The following LMBRD1 variants were observed in gnomAD, a reference collection of about 807,000 sequenced individuals.
LMBRD1 encodes LMBR1 domain containing 1.
A neutral mutation model predicts 74.8 loss-of-function variants in LMBRD1; 64 were observed. The ratio of observed to expected loss-of-function variants is 0.86; its 90% confidence interval spans 0.70 to 1.05. The LOEUF is 1.05. Among genes scored for constraint, LMBRD1 ranks in the 50% least tolerant of loss-of-function variants. The pLI, the probability that LMBRD1 is intolerant of heterozygous loss-of-function variation, is 0.00. For missense variants in LMBRD1, 652 were observed against 645.9 expected (o/e 1.01, Z -0.10); for synonymous variants, 204 against 216.3 (o/e 0.94, Z 0.50).
intron 3 of LMBRD1, among the ~76,000 whole-genome samples, chr6:69,760,816 C>A (rs1279296574): frequency 6.6e-6 from 1 of 152,146 alleles, no homozygotes; most frequent in African/African-American, 2.4e-5. Flanking sequence ...ATGTTGTGAG[C>A]TGCCCTATAG....
At chr6:69,760,765 A>G (rs1765356854) in intron 3 of LMBRD1, among the ~76,000 whole-genome samples, 1 of 152,126 alleles carries the variant, frequency 6.6e-6, no homozygotes, top group South Asian at 2.1e-4. Context: ...CTTCCATCTT[A>G]TTGCTGTATC....
intron 5 of LMBRD1, among the ~76,000 whole-genome samples, chr6:69,744,301 T>C (rs1767170387): frequency 6.6e-6 from 1 of 152,206 alleles, no homozygotes; most frequent in South Asian, 2.1e-4. Flanking sequence ...TATTGTTCCA[T>C]TATTGGAATA....
intron 4 of LMBRD1, 98 bp from the exon 5 acceptor site, chr6:69,749,506 G>T (rs2149876309): frequency 1.1e-6 from 1 of 893,798 alleles, no homozygotes; most frequent in Non-Finnish European, 1.8e-6. Flanking sequence ...TCAGATACAT[G>T]CTTACACTCA....
rs1252904870 is a variant in LMBRD1, at chr6:69,701,973, C to T, written c.916-20G>A. On this transcript the variant is annotated intron_variant, in intron 9 of 15. Transcript: ENST00000649934. The stretch of plus-strand genomic sequence containing the variant: ...GACGATCTAAAAGCAAAAATATATT[C>T]ATTAAAATATAGTTCTAAAAGTTGA... The T allele has an allele frequency of 2.1e-6, 3 of 1,434,546 alleles. No individual in the cohort carries two copies. The highest frequency in any genetic ancestry group is 1.7e-5 in the Admixed American group (1 of 59,402). 88.9% of individuals were successfully genotyped at this position (1,434,546 alleles called of 1,614,324 possible). A position where few individuals can be genotyped will look rare whatever the true frequency, so the allele number is the denominator to read the frequency against.
At position 69,676,138 on chromosome 6, in the gene LMBRD1, A is replaced by G. The variant is rs746870313; in HGVS notation, c.*20T>C. The G allele has an allele frequency of 1.3e-6, 2 of 1,575,278 alleles. No individual in the cohort carries two copies. The highest frequency in any genetic ancestry group is 1.1e-5 in the South Asian group (1 of 90,272). On this transcript the variant is annotated 3_prime_UTR_variant, in exon 16 of 16. Transcript: ENST00000649934. Reference sequence around the variant, plus strand: ...ACAGATATTCAGTCAGCATTATAAAACCTTTAAGACAGAAGGCTGTCAAGC... The same window carrying G: ...ACAGATATTCAGTCAGCATTATAAAGCCTTTAAGACAGAAGGCTGTCAAGC...
intron 8 of LMBRD1, among the ~76,000 whole-genome samples, chr6:69,715,362 T>G (rs1002175911): frequency 2.6e-5 from 4 of 152,182 alleles, no homozygotes; most frequent in Non-Finnish European, 5.9e-5. Flanking sequence ...GTTATCTGCC[T>G]ACTTGGTGAA....
At chr6:69,686,796 T>C (rs1490948945) in intron 14 of LMBRD1, among the ~76,000 whole-genome samples, 1 of 152,216 alleles carries the variant, frequency 6.6e-6, no homozygotes, top group Non-Finnish European at 1.5e-5. Context: ...GTATCACAGG[T>C]AGGCAAACTA....
chr6:69,716,577 A>T (rs1766495226), intron 8 of LMBRD1, among the ~76,000 whole-genome samples: 1 of 152,258 alleles, frequency 6.6e-6, no homozygotes, highest in East Asian at 1.9e-4. Context: ...TATGTGCACA[A>T]TCAGTAGAGC....
chr6:69,768,106 T>C (rs1765506287), intron 3 of LMBRD1, among the ~76,000 whole-genome samples: 1 of 151,956 alleles, frequency 6.6e-6, no homozygotes, highest in Non-Finnish European at 1.5e-5. Flanking sequence ...AGACAACACG[T>C]TGACGAATCT....
chr6:69,781,363 C>T (rs1390529891), intron 2 of LMBRD1, among the ~76,000 whole-genome samples: 2 of 152,244 alleles, frequency 1.3e-5, no homozygotes, highest in African/African-American at 4.8e-5. Context: ...ATCTAAAGGA[C>T]TTATCACTGC....
Position 69,700,430 on chromosome 6 carries a change from A to G in LMBRD1, c.1188+335T>C, listed in dbSNP as rs563405640. Among the ~76,000 whole-genome samples the G allele has an allele frequency of 3.9e-5, 6 of 151,916 alleles. No homozygotes were observed. The South Asian group carries it at 1.0e-3, about 26-fold the overall frequency. ...GTTTCTCAACCATGGAACTATTGAC[A>G]TTTTAGGCTAGGTAAGTCTGCCCTA... On this transcript the variant is annotated intron_variant, in intron 12 of 15. Transcript: ENST00000649934.
chr6:69,766,375 C>T (rs939960120), intron 3 of LMBRD1, among the ~76,000 whole-genome samples: 1 of 151,758 alleles, frequency 6.6e-6, no homozygotes. Flanking sequence ...AATCAATGAT[C>T]GATACTGGAA....
At chr6:69,724,613 G>A (rs1465460486) in intron 7 of LMBRD1, among the ~76,000 whole-genome samples, 1 of 150,498 alleles carries the variant, frequency 6.6e-6, no homozygotes, top group Non-Finnish European at 1.5e-5. Flanking sequence ...AATGAAGGAT[G>A]AAAACCACAT....
At chr6:69,791,371 C>G (rs1004693777) in intron 1 of LMBRD1, among the ~76,000 whole-genome samples, 1 of 152,164 alleles carries the variant, frequency 6.6e-6, no homozygotes, top group Non-Finnish European at 1.5e-5. Flanking sequence ...GAGTTGCAGA[C>G]AGAGACTGTG....
At chr6:69,744,895 T>A (rs1179364065) in intron 5 of LMBRD1, among the ~76,000 whole-genome samples, 1 of 151,026 alleles carries the variant, frequency 6.6e-6, no homozygotes, top group Non-Finnish European at 1.5e-5. Flanking sequence ...CAGGCTGGAG[T>A]GCAGTGGCAC....
chr6:69,698,952 A>T (rs1463206858), intron 13 of LMBRD1, 91 bp downstream of exon 13: 1 of 854,426 alleles, frequency 1.2e-6, no homozygotes, highest in African/African-American at 1.7e-5. Context: ...ATGAGCTAAT[A>T]TCTTATGCTA....
intron 5 of LMBRD1, among the ~76,000 whole-genome samples, chr6:69,745,612 T>A (rs1767208851): frequency 6.6e-6 from 1 of 152,220 alleles, no homozygotes; most frequent in Non-Finnish European, 1.5e-5. Flanking sequence ...CTGGCTAATG[T>A]CATATCCTGT....
intron 14 of LMBRD1, among the ~76,000 whole-genome samples, chr6:69,692,288 C>CTT (rs1270550498): frequency 6.4e-5 from 4 of 62,878 alleles, no homozygotes; most frequent in Non-Finnish European, 1.7e-4. Context: ...CTCTCTCTCT[C>CTT]GCTCTCTCTC....
At chr6:69,768,177 T>C (rs998604813) in intron 3 of LMBRD1, among the ~76,000 whole-genome samples, 6 of 151,954 alleles carry the variant, frequency 3.9e-5, no homozygotes, top group Admixed American at 3.3e-4. Flanking sequence ...TACTTACACA[T>C]AATATAACAA....
Sources: allele counts gnomAD v4.1 joint callset (sites outside exome capture counted in the v4.1 genomes callset), GRCh38; gene constraint gnomAD v4.1.1; transcripts MANE v1.5; gene names NCBI Gene and HGNC (gene_info 2026-07-23, HGNC 2026-07-21).